GLCCI1: variants seen among roughly 807,000 people sequenced by gnomAD.
GLCCI1 encodes the protein glucocorticoid-induced transcript 1 protein.
A neutral mutation model predicts 52.2 loss-of-function variants in GLCCI1; 24 were observed. The ratio of observed to expected loss-of-function variants is 0.46; its 90% CI spans 0.33 to 0.65. The LOEUF is 0.65. Among genes scored for constraint, GLCCI1 ranks in the 30% least tolerant of loss-of-function variants. The pLI is 0.02. For missense variants in GLCCI1, 704 were observed against 701.5 expected, an observed-to-expected ratio of 1.00 and a Z score of -0.04; for synonymous variants, 310 against 276.5, an observed-to-expected ratio of 1.12 and a Z score of -1.20.
intron 1 of GLCCI1, among the ~76,000 whole-genome samples, chr7:7,992,040 A>T (rs1011538626): frequency 6.6e-5 from 9 of 135,560 alleles, no homozygotes; most frequent in African/African-American, 2.1e-4. Flanking sequence ...ATTAGAATTT[A>T]TTTTTTCTTT....
chr7:7,979,412 T>C (rs1296395708), intron 1 of GLCCI1, among the ~76,000 whole-genome samples: 1 of 143,834 alleles, frequency 7.0e-6, no homozygotes, highest in Admixed American at 7.0e-5. Flanking sequence ...AGTTTTAGAT[T>C]TTATATATGA....
At chr7:7,994,015 T>C (rs776277288) in intron 1 of GLCCI1, among the ~76,000 whole-genome samples, 18 of 152,150 alleles carry the variant, frequency 1.2e-4, no homozygotes, top group Non-Finnish European at 1.5e-4. Context: ...TGTTTGGCTA[T>C]TGTCTTAATC....
At chr7:7,982,116 G>A in intron 1 of GLCCI1, 1 of 415,040 alleles carries the variant, frequency 2.4e-6, no homozygotes. Flanking sequence ...GGCCATTATA[G>A]TAATAGTCAC....
intron 4 of GLCCI1, among the ~76,000 whole-genome samples, chr7:8,058,497 T>C (rs937564491): frequency 1.3e-5 from 2 of 152,166 alleles, no homozygotes; most frequent in African/African-American, 4.8e-5. Context: ...TATAAAATTA[T>C]AGCAATTAAG....
chr7:8,007,488 T>C (rs188414755), intron 2 of GLCCI1, among the ~76,000 whole-genome samples: 50 of 152,328 alleles, frequency 3.3e-4, no homozygotes, highest in Admixed American at 7.2e-4. Flanking sequence ...AACCTACTTC[T>C]TGCCTCACAA....
At chr7:8,006,200 G>C (rs980965198) in intron 2 of GLCCI1, among the ~76,000 whole-genome samples, 2 of 152,222 alleles carry the variant, frequency 1.3e-5, no homozygotes, top group Admixed American at 1.3e-4. Flanking sequence ...TGAAGCCTTA[G>C]AAGTCAGAGG....
At chr7:8,061,398 C>T (rs1782511253) in intron 5 of GLCCI1, among the ~76,000 whole-genome samples, 1 of 152,018 alleles carries the variant, frequency 6.6e-6, no homozygotes, top group South Asian at 2.1e-4. Context: ...CTGCACCCAG[C>T]CTTTAGTGGT....
chr7:8,056,781 A>G (rs968298353), intron 4 of GLCCI1, among the ~76,000 whole-genome samples: 3 of 152,210 alleles, frequency 2.0e-5, no homozygotes, highest in African/African-American at 7.2e-5. Flanking sequence ...TTACTAAACT[A>G]AAAATAGGAT....
At chr7:8,018,166 A>G (rs993485633) in intron 2 of GLCCI1, among the ~76,000 whole-genome samples, 1 of 152,154 alleles carries the variant, frequency 6.6e-6, no homozygotes, top group Admixed American at 6.5e-5. Context: ...GTCAGTACTC[A>G]TATTTCTATA....
At chr7:8,080,748 ATG>A (rs1782976577) in intron 6 of GLCCI1, among the ~76,000 whole-genome samples, 1 of 146,178 alleles carries the variant, frequency 6.8e-6, no homozygotes, top group Non-Finnish European at 1.5e-5. Context: ...ATTAGAAATG[ATG>A]TGTTACTTTT....
chr7:8,072,795 A>G (rs1254955356), intron 6 of GLCCI1, among the ~76,000 whole-genome samples: 2 of 152,202 alleles, frequency 1.3e-5, no homozygotes, highest in African/African-American at 4.8e-5. Flanking sequence ...TAATGGTGGC[A>G]GTACAGCTAG....
At position 8,068,418 on chromosome 7, in the gene GLCCI1, G is replaced by A. The variant is rs193104053; in HGVS notation, c.967-2503G>A. 3.9e-3 allele frequency among the ~76,000 whole-genome samples: 589 copies of A among 152,324 alleles called. 3 individuals are homozygous for A. Among genetic ancestry groups the A allele is most frequent in the African/African-American group, 0.013 (546 of 41,564 alleles). On this transcript the variant is annotated intron_variant, in intron 5 of 7. Coordinates refer to ENST00000223145, the MANE Select transcript of GLCCI1 (RefSeq NM_138426.4). ...TTCAAGCTCTGAGATTCTTTCCTCAGCTTGGTCTATTCTGCTATTAATATT... is the reference window on the plus strand; with the variant it reads ...TTCAAGCTCTGAGATTCTTTCCTCAACTTGGTCTATTCTGCTATTAATATT...
At chr7:8,059,713 T>C (rs900195033) in intron 4 of GLCCI1, among the ~76,000 whole-genome samples, 3 of 152,198 alleles carry the variant, frequency 2.0e-5, no homozygotes, top group Non-Finnish European at 4.4e-5. Context: ...GTAAACATAC[T>C]CATACAGAGC....
At chr7:8,012,957 G>A (rs34746652) in intron 2 of GLCCI1, among the ~76,000 whole-genome samples, 10,045 of 152,172 alleles carry the variant, frequency 0.066, 351 homozygotes, top group East Asian at 0.09. Context: ...TTTTGTATAA[G>A]GTAAGAGTCC....
chr7:8,019,253 T>C (rs1781435349), intron 2 of GLCCI1, among the ~76,000 whole-genome samples: 1 of 152,236 alleles, frequency 6.6e-6, no homozygotes, highest in Non-Finnish European at 1.5e-5. Context: ...CATGTGGTTA[T>C]TGAGCTTTTA....
At chr7:7,993,725 T>G (rs189002111) in intron 1 of GLCCI1, among the ~76,000 whole-genome samples, 10 of 152,266 alleles carry the variant, frequency 6.6e-5, no homozygotes, top group Admixed American at 2.6e-4. Context: ...TGTGGAGATA[T>G]TTTGTGACTT....
chr7:8,083,159 A>G (rs1228618086), intron 6 of GLCCI1, among the ~76,000 whole-genome samples: 3 of 152,098 alleles, frequency 2.0e-5, no homozygotes, highest in Non-Finnish European at 4.4e-5. Context: ...ATAGGTGTAT[A>G]TATTTATAGG....
At chr7:8,076,806 G>T (rs1562452135) in intron 6 of GLCCI1, among the ~76,000 whole-genome samples, 1 of 152,044 alleles carries the variant, frequency 6.6e-6, no homozygotes, top group East Asian at 1.9e-4. Context: ...ATAAACTAGT[G>T]CCTAGCATGG....
chr7:7,975,049 T>G (rs36015287), intron 1 of GLCCI1, among the ~76,000 whole-genome samples: 21 of 152,136 alleles, frequency 1.4e-4, no homozygotes, highest in Admixed American at 1.4e-3. Context: ...TATATTGATA[T>G]AGAAAGCCTA....
Sources: allele counts gnomAD v4.1 joint callset (sites outside exome capture counted in the v4.1 genomes callset), GRCh38; gene constraint gnomAD v4.1.1; transcripts MANE v1.5; gene names NCBI Gene and HGNC (gene_info 2026-07-23, HGNC 2026-07-21).